Variants in XKR9 observed in about 807,000 individuals in gnomAD.
XKR9 encodes XK related 9, also known as XK-related protein 9.
A neutral mutation model predicts 32.0 loss-of-function variants in XKR9; 32 were observed. The ratio of observed to expected loss-of-function variants is 1.00; its 90% CI spans 0.76 to 1.34. The LOEUF is 1.34. Ranked by LOEUF, XKR9 falls within the 40% of genes most tolerant of loss-of-function variation. XKR9 has a pLI of 0.00. For missense variants in XKR9, 546 were observed against 429.7 expected, an observed-to-expected ratio of 1.27 and a Z score of -2.39; for synonymous variants, 168 against 143.4, an observed-to-expected ratio of 1.17 and a Z score of -1.22.
rs552926711 is a variant in XKR9 at position 70,766,625 on chromosome 8, A to T, written n.353-22714A>T. Among the ~76,000 whole-genome samples, 46 of 152,282 alleles carry T rather than the reference A, an allele frequency of 3.0e-4. No individual in the cohort carries two copies. The East Asian group carries it at 6.4e-3, about 21-fold the overall frequency. The stretch of plus-strand genomic sequence containing the variant: ...CCTGATTGCCCTGGCCAGAACTTCC[A>T]ATACTATGTTTAATTGGAGTGGTGA... On this transcript the variant is annotated intron_variant and non_coding_transcript_variant, in intron 2 of 3. Coordinates refer to the XKR9 transcript ENST00000520273.
chr8:70,933,617 A>G, the XKR9 span, among the ~76,000 whole-genome samples: 4 of 152,076 alleles, frequency 2.6e-5, no homozygotes, highest in South Asian at 2.1e-4. Context: ...TTCCTTTTGT[A>G]TCACTGTTTC....
intron 3 of XKR9, among the ~76,000 whole-genome samples, chr8:70,682,974 T>C (rs1174159146): frequency 6.6e-6 from 1 of 152,222 alleles, no homozygotes; most frequent in Non-Finnish European, 1.5e-5. Context: ...AGTATGGATG[T>C]ACTATAATCT....
intron 3 of XKR9, among the ~76,000 whole-genome samples, chr8:70,696,319 T>TG (rs1805274184): frequency 6.6e-6 from 1 of 152,268 alleles, no homozygotes; most frequent in Non-Finnish European, 1.5e-5. Flanking sequence ...GTTTTAGGCC[T>TG]AACATGTAAG....
the XKR9 span, among the ~76,000 whole-genome samples, chr8:70,826,462 T>TTAATC: frequency 0.54 from 81,705 of 151,550 alleles, 22,948 homozygotes; most frequent in Middle Eastern, 0.62. Flanking sequence ...AGACATCAGT[T>TTAATC]TAATTAAAGC....
At chr8:70,964,667 A>G in the XKR9 span, among the ~76,000 whole-genome samples, 1 of 152,008 alleles carries the variant, frequency 6.6e-6, no homozygotes, top group African/African-American at 2.4e-5. Context: ...GAGTTCCTTC[A>G]CTTCCCTTGT....
At chr8:70,768,346 G>C (rs1807406262) in intron 2 of XKR9, among the ~76,000 whole-genome samples, 1 of 152,024 alleles carries the variant, frequency 6.6e-6, no homozygotes, top group Admixed American at 6.6e-5. Flanking sequence ...CCAATTATGT[G>C]GTCAATTTTA....
intron 3 of XKR9, among the ~76,000 whole-genome samples, chr8:70,695,989 A>C (rs998660606): frequency 3.3e-5 from 5 of 151,018 alleles, no homozygotes; most frequent in African/African-American, 1.2e-4. Flanking sequence ...TCTTTTAAGA[A>C]GTGTCTGTTC....
At chr8:70,783,357 G>C (rs1345466433) in intron 2 of XKR9, among the ~76,000 whole-genome samples, 1 of 151,968 alleles carries the variant, frequency 6.6e-6, no homozygotes, top group Non-Finnish European at 1.5e-5. Context: ...CTCCCAAGTA[G>C]CTGGGACTAC....
chr8:71,007,479 T>G, the XKR9 span, among the ~76,000 whole-genome samples: 1 of 152,070 alleles, frequency 6.6e-6, no homozygotes, highest in African/African-American at 2.4e-5. Flanking sequence ...AATGAAAAAC[T>G]TAGTTAAAAG....
the XKR9 span, among the ~76,000 whole-genome samples, chr8:70,824,472 C>A: frequency 6.6e-6 from 1 of 151,998 alleles, no homozygotes; most frequent in Non-Finnish European, 1.5e-5. Context: ...TTTTCTCATA[C>A]CACCTTGAGC....
At chr8:70,782,241 C>T (rs1037761860) in intron 2 of XKR9, among the ~76,000 whole-genome samples, 2 of 152,096 alleles carry the variant, frequency 1.3e-5, no homozygotes, top group African/African-American at 2.4e-5. Flanking sequence ...CTGCAGTATG[C>T]TTTCTGGTGT....
chr8:70,775,953 C>G (rs1807513243), intron 2 of XKR9, among the ~76,000 whole-genome samples: 1 of 151,950 alleles, frequency 6.6e-6, no homozygotes, highest in Non-Finnish European at 1.5e-5. Context: ...GCCATCTTGC[C>G]CTGCCTGATC....
At chr8:70,860,556 T>C in the XKR9 span, among the ~76,000 whole-genome samples, 1 of 152,154 alleles carries the variant, frequency 6.6e-6, no homozygotes, top group Non-Finnish European at 1.5e-5. Flanking sequence ...ATTTTTTATA[T>C]AAATTATTGA....
the XKR9 span, among the ~76,000 whole-genome samples, chr8:70,855,951 C>G: frequency 1.3e-5 from 2 of 152,136 alleles, no homozygotes; most frequent in Non-Finnish European, 2.9e-5. Context: ...ACCACCAGGC[C>G]TGCCCTAAAA....
At chr8:71,054,113 G>A in the XKR9 span, among the ~76,000 whole-genome samples, 1 of 151,474 alleles carries the variant, frequency 6.6e-6, no homozygotes, top group Non-Finnish European at 1.5e-5. Flanking sequence ...ACCCAGCTAA[G>A]CCCAATCAAA....
chr8:71,049,806 G>C, the XKR9 span, among the ~76,000 whole-genome samples: 1 of 152,052 alleles, frequency 6.6e-6, no homozygotes, highest in Non-Finnish European at 1.5e-5. Flanking sequence ...AAAAATGGGA[G>C]GGCCTCCCAG....
the XKR9 span, among the ~76,000 whole-genome samples, chr8:70,802,899 C>T: frequency 6.6e-6 from 1 of 152,196 alleles, no homozygotes; most frequent in Admixed American, 6.5e-5. Flanking sequence ...TCTTTCATTT[C>T]AACTTTGGAT....
At chr8:70,722,935 G>T (rs139157785) in intron 4 of XKR9, among the ~76,000 whole-genome samples, 1 of 151,912 alleles carries the variant, frequency 6.6e-6, no homozygotes, top group Non-Finnish European at 1.5e-5. Context: ...AGATACACCA[G>T]TGAATCGTAG....
At chr8:71,061,455 C>G in the XKR9 span, among the ~76,000 whole-genome samples, 16 of 152,324 alleles carry the variant, frequency 1.1e-4, no homozygotes. Context: ...TCTCTGTGCT[C>G]TCTTATTAAT....
Sources: allele counts gnomAD v4.1 joint callset (sites outside exome capture counted in the v4.1 genomes callset), GRCh38; gene constraint gnomAD v4.1.1; transcripts MANE v1.5; gene names NCBI Gene and HGNC (gene_info 2026-07-23, HGNC 2026-07-21).